CNBD1: variants seen among roughly 807,000 people sequenced by gnomAD.
The protein encoded by CNBD1 is cyclic nucleotide binding domain containing 1.
CNBD1 carries 71 observed loss-of-function variants against 54.4 expected under a neutral mutation model. That is an observed-to-expected ratio of 1.30 (90% CI 1.08 to 1.59). The LOEUF (loss-of-function observed/expected upper bound fraction) is 1.59, where lower values mean the gene tolerates loss of function less well. Among genes scored for constraint, CNBD1 ranks in the 40% most tolerant of loss-of-function variants. The pLI is 0.00. For synonymous variants in CNBD1, 182 were observed against 170.7 expected (o/e 1.07, Z -0.51); for missense variants, 659 against 518.0 (o/e 1.27, Z -2.64).
At position 87,426,610 on chromosome 8, in the gene CNBD1, A is replaced by G. The variant is rs78720578; in HGVS notation, c.214-1936A>G. Reference sequence around the variant, plus strand: ...ACAGAACTTAGCTAAAATCCTAGCAATGCCAATTGCTTAATTTTCCTGAGA... The same window carrying G: ...ACAGAACTTAGCTAAAATCCTAGCAGTGCCAATTGCTTAATTTTCCTGAGA... On this transcript the variant is annotated intron_variant, in intron 2 of 7. Coordinates refer to the CNBD1 transcript ENST00000521593. 2.7e-3 allele frequency among the ~76,000 whole-genome samples: 417 copies of G among 152,330 alleles called. 4 individuals are homozygous for G. Among genetic ancestry groups the G allele is most frequent in the African/African-American group, 9.4e-3 (391 of 41,576 alleles).
At chr8:87,393,051 C>T (rs1250444451) in intron 2 of CNBD1, among the ~76,000 whole-genome samples, 1 of 151,710 alleles carries the variant, frequency 6.6e-6, no homozygotes, top group Non-Finnish European at 1.5e-5. Context: ...ACTCCTAAGG[C>T]TTAGGACAGA....
intron 3 of CNBD1, among the ~76,000 whole-genome samples, chr8:86,931,808 G>A (rs1809462564): frequency 2.6e-5 from 4 of 152,202 alleles, no homozygotes; most frequent in South Asian, 4.1e-4. Context: ...AGGGAGTCAG[G>A]TTACAGGGGA....
chr8:87,279,583 G>A (rs1009113877), intron 6 of CNBD1, among the ~76,000 whole-genome samples: 26 of 151,202 alleles, frequency 1.7e-4, no homozygotes, highest in African/African-American at 5.1e-4. Context: ...ACTATAGTAG[G>A]CAAAGTAGAT....
rs1344477831 is a variant in CNBD1 at position 87,227,807 on chromosome 8, A to G, written c.578-9112A>G. Among the ~76,000 whole-genome samples the G allele has an allele frequency of 6.0e-5, 9 of 149,868 alleles. No individual in the cohort carries two copies. In the East Asian group the frequency reaches 1.4e-3, roughly 23 times the overall value. ...TGGCCTGCCTTGCTAGATTGGGGAAATTCTCCTGGATAATATCCTGCAGAG... is the reference window on the plus strand; with the variant it reads ...TGGCCTGCCTTGCTAGATTGGGGAAGTTCTCCTGGATAATATCCTGCAGAG... On this transcript the variant is annotated intron_variant, in intron 5 of 10. Transcript: ENST00000518476.
intron 6 of CNBD1, among the ~76,000 whole-genome samples, chr8:87,270,849 T>C (rs1433147617): frequency 6.6e-6 from 1 of 151,828 alleles, no homozygotes; most frequent in Non-Finnish European, 1.5e-5. Flanking sequence ...GAGTTTATAT[T>C]AGTTAGTTCC....
At chr8:86,926,566 GT>G (rs1181738207) in intron 3 of CNBD1, among the ~76,000 whole-genome samples, 1 of 152,236 alleles carries the variant, frequency 6.6e-6, no homozygotes, top group Non-Finnish European at 1.5e-5. Context: ...TGGTGTCAGA[GT>G]TTGAAAGGCA....
chr8:87,092,543 GTATA>G (rs761852236), intron 4 of CNBD1, among the ~76,000 whole-genome samples: 1 of 103,448 alleles, frequency 9.7e-6, no homozygotes, highest in African/African-American at 3.9e-5. Flanking sequence ...GTATGTGTGT[GTATA>G]TATATATATA....
intron 6 of CNBD1, among the ~76,000 whole-genome samples, chr8:87,276,546 G>A (rs1324903066): frequency 6.6e-6 from 1 of 151,830 alleles, no homozygotes; most frequent in African/African-American, 2.4e-5. Context: ...ACGGAAGTAG[G>A]TCTTGTTTAA....
At chr8:87,286,196 T>C (rs1245969296) in intron 7 of CNBD1, among the ~76,000 whole-genome samples, 1 of 152,230 alleles carries the variant, frequency 6.6e-6, no homozygotes, top group Non-Finnish European at 1.5e-5. Context: ...ATGTTTTGTT[T>C]TTATTTCCCA....
intron 3 of CNBD1, among the ~76,000 whole-genome samples, chr8:86,937,885 C>T (rs1809578847): frequency 6.6e-6 from 1 of 152,224 alleles, no homozygotes; most frequent in South Asian, 2.1e-4. Context: ...TGAATTTCTC[C>T]TCAGAAAATA....
At chr8:87,288,016 G>T (rs1720698604) in intron 8 of CNBD1, among the ~76,000 whole-genome samples, 2 of 151,850 alleles carry the variant, frequency 1.3e-5, no homozygotes, top group South Asian at 4.1e-4. Flanking sequence ...CAAATGGAAG[G>T]CAAGTAGTAA....
intron 4 of CNBD1, among the ~76,000 whole-genome samples, chr8:87,176,441 T>A (rs1813198645): frequency 6.6e-6 from 1 of 152,128 alleles, no homozygotes; most frequent in South Asian, 2.1e-4. Flanking sequence ...TTTTCATAAT[T>A]CTTACTAGGG....
intron 10 of CNBD1, among the ~76,000 whole-genome samples, chr8:87,379,646 T>A (rs113875480): frequency 0.015 from 2,274 of 152,080 alleles, 59 homozygotes; most frequent in African/African-American, 0.049. Context: ...AATGTAATGG[T>A]CATAAAAGTG....
intron 6 of CNBD1, among the ~76,000 whole-genome samples, chr8:87,255,279 G>A (rs1230664529): frequency 6.6e-6 from 1 of 152,048 alleles, no homozygotes; most frequent in African/African-American, 2.4e-5. Flanking sequence ...GATTGAGAAA[G>A]AACCACAGGA....
At chr8:87,354,994 A>G (rs7830912) in intron 10 of CNBD1, among the ~76,000 whole-genome samples, 61,633 of 152,008 alleles carry the variant, frequency 0.41, 12,782 homozygotes, top group Middle Eastern at 0.46. Flanking sequence ...ACACCAGTTA[A>G]AATGGCGATC....
intron 4 of CNBD1, among the ~76,000 whole-genome samples, chr8:87,187,591 C>T (rs958247110): frequency 6.6e-6 from 1 of 151,576 alleles, no homozygotes; most frequent in African/African-American, 2.4e-5. Flanking sequence ...AGTCAGCAAT[C>T]CTGACAAAGA....
chr8:87,315,385 A>G (rs1262008020), intron 8 of CNBD1, among the ~76,000 whole-genome samples: 2 of 147,888 alleles, frequency 1.4e-5, no homozygotes, highest in African/African-American at 4.9e-5. Context: ...AAAAATAGAG[A>G]TTTTTTTTTT....
intron 5 of CNBD1, among the ~76,000 whole-genome samples, chr8:87,220,105 T>G (rs1482387892): frequency 9.2e-5 from 14 of 152,072 alleles, no homozygotes; most frequent in Admixed American, 8.5e-4. Flanking sequence ...ATCATTTGTG[T>G]ATTATAAAAT....
intron 4 of CNBD1, among the ~76,000 whole-genome samples, chr8:87,047,405 T>A (rs2130618891): frequency 6.6e-6 from 1 of 152,328 alleles, no homozygotes; most frequent in Non-Finnish European, 1.5e-5. Context: ...GTTATTAAAC[T>A]GAGCAAATTG....
Sources: gnomAD v4.1 joint callset for allele counts (sites outside exome capture counted in the v4.1 genomes callset) on GRCh38, gnomAD v4.1.1 for gene constraint, MANE v1.5 for transcripts, NCBI Gene and HGNC (gene_info 2026-07-23, HGNC 2026-07-21) for gene names.